The following EEFSEC variants were observed in gnomAD, a reference collection of about 807,000 sequenced individuals.
The protein encoded by EEFSEC is selenocysteine-specific elongation factor.
Under a neutral mutation model 42.1 loss-of-function variants are expected in EEFSEC, and 43 were observed. The ratio of observed to expected loss-of-function variants is 1.02; its 90% CI spans 0.80 to 1.32. The LOEUF (loss-of-function observed/expected upper bound fraction) is 1.32. Among genes scored for constraint, EEFSEC ranks in the 40% most tolerant of loss-of-function variants. The pLI, the probability that EEFSEC is intolerant of heterozygous loss-of-function variation, is 0.00. For synonymous variants in EEFSEC, 354 were observed against 339.1 expected, an observed-to-expected ratio of 1.04 and a Z score of -0.48; for missense variants, 745 against 803.6, an observed-to-expected ratio of 0.93 and a Z score of 0.88.
chr3:128,355,386 C>T (rs2067439918), intron 5 of EEFSEC, among the ~76,000 whole-genome samples: 4 of 151,870 alleles, frequency 2.6e-5, no homozygotes, highest in Admixed American at 2.0e-4. Flanking sequence ...GGTAGAGTCC[C>T]CGGTGCACAA....
At chr3:128,423,541 G>A in the EEFSEC span, among the ~76,000 whole-genome samples, 1 of 152,152 alleles carries the variant, frequency 6.6e-6, no homozygotes. Context: ...AGCATGGATG[G>A]ACCATGAAGG....
intron 1 of EEFSEC, among the ~76,000 whole-genome samples, chr3:128,181,527 T>C (rs527344072): frequency 2.0e-5 from 3 of 152,210 alleles, no homozygotes; most frequent in African/African-American, 7.2e-5. Context: ...AGAGAAGCGG[T>C]GATATAAAAT....
chr3:128,205,286 TG>T (rs933760612), intron 1 of EEFSEC, among the ~76,000 whole-genome samples: 1 of 152,128 alleles, frequency 6.6e-6, no homozygotes, highest in African/African-American at 2.4e-5. Flanking sequence ...CAGATGTATC[TG>T]GGAAGACCCC....
intron 4 of EEFSEC, among the ~76,000 whole-genome samples, chr3:128,328,454 C>G (rs570737740): frequency 6.6e-6 from 1 of 152,186 alleles, no homozygotes; most frequent in African/African-American, 2.4e-5. Context: ...CTGGTGCACC[C>G]CAGGACCAAG....
chr3:128,378,706 A>T (rs1048534111), intron 6 of EEFSEC, among the ~76,000 whole-genome samples: 12 of 151,932 alleles, frequency 7.9e-5, no homozygotes, highest in Non-Finnish European at 1.3e-4. Context: ...TGTGCCTGAC[A>T]CCCCCAGGCT....
rs144029218 is a variant in EEFSEC at position 128,268,639 on chromosome 3, A to C, written c.786+3858A>C. ...CCAATGACCAGTGTCCTTATAAGAG[A>C]CAGACAAGGAGAAGACACGGAGAGT... is the stretch of plus-strand genomic sequence containing the variant. On this transcript the variant is annotated intron_variant, in intron 4 of 6. Coordinates refer to ENST00000254730, the MANE Select transcript of EEFSEC (RefSeq NM_021937.5). Among the ~76,000 whole-genome samples the C allele has an allele frequency of 4.5e-3, 691 of 152,144 alleles. 4 individuals carry two copies. Among genetic ancestry groups the C allele is most frequent in the African/African-American group, 0.015 (607 of 41,504 alleles).
chr3:128,391,013 C>T (rs1255539572), intron 6 of EEFSEC, among the ~76,000 whole-genome samples: 1 of 152,256 alleles, frequency 6.6e-6, no homozygotes, highest in Non-Finnish European at 1.5e-5. Flanking sequence ...TCCCCTCTCC[C>T]GAGCAGCTGG....
chr3:128,343,704 G>A (rs1265187761), intron 5 of EEFSEC, among the ~76,000 whole-genome samples: 1 of 152,170 alleles, frequency 6.6e-6, no homozygotes, highest in Non-Finnish European at 1.5e-5. Flanking sequence ...CTTCCTTTGA[G>A]AACTGGGAGG....
intron 1 of EEFSEC, among the ~76,000 whole-genome samples, chr3:128,222,521 C>T (rs914931777): frequency 2.6e-5 from 4 of 152,144 alleles, no homozygotes; most frequent in South Asian, 2.1e-4. Flanking sequence ...AAGTTTTGAA[C>T]CATGAGCCTT....
chr3:128,192,494 T>G (rs1405676864), intron 1 of EEFSEC, among the ~76,000 whole-genome samples: 1 of 152,228 alleles, frequency 6.6e-6, no homozygotes, highest in Non-Finnish European at 1.5e-5. Context: ...TCACCCTGGC[T>G]GCCTGCTACT....
chr3:128,413,274 C>G (rs558706346), downstream of EEFSEC, among the ~76,000 whole-genome samples: 19 of 152,220 alleles, frequency 1.2e-4, no homozygotes, highest in South Asian at 3.9e-3. Context: ...GGGAAGAGGC[C>G]CCAAGTTGAG....
At chr3:128,305,164 G>A (rs1266412295) in intron 4 of EEFSEC, among the ~76,000 whole-genome samples, 2 of 151,834 alleles carry the variant, frequency 1.3e-5, no homozygotes, top group Admixed American at 6.6e-5. Flanking sequence ...AATCTTCATG[G>A]CGTATTTTGG....
At chr3:128,388,280 G>A (rs577531835) in intron 6 of EEFSEC, among the ~76,000 whole-genome samples, 20 of 152,214 alleles carry the variant, frequency 1.3e-4, no homozygotes, top group South Asian at 2.1e-4. Flanking sequence ...CCACTAACTC[G>A]CCTCCAGCAC....
intron 1 of EEFSEC, among the ~76,000 whole-genome samples, chr3:128,190,661 C>T (rs2107803068): frequency 6.6e-6 from 1 of 152,290 alleles, no homozygotes; most frequent in South Asian, 2.1e-4. Context: ...GTAGAGCCTA[C>T]AGGAGTGCAG....
chr3:128,310,596 T>C (rs2066879107), intron 4 of EEFSEC, among the ~76,000 whole-genome samples: 1 of 152,198 alleles, frequency 6.6e-6, no homozygotes, highest in Admixed American at 6.5e-5. Flanking sequence ...CTTTTCCTCA[T>C]AATCACTGTA....
At chr3:128,217,312 C>G (rs2065820226) in intron 1 of EEFSEC, among the ~76,000 whole-genome samples, 1 of 152,090 alleles carries the variant, frequency 6.6e-6, no homozygotes, top group African/African-American at 2.4e-5. Context: ...GACACCTAGC[C>G]TACATGGGGC....
At chr3:128,379,160 A>G (rs965079127) in intron 6 of EEFSEC, among the ~76,000 whole-genome samples, 1 of 152,042 alleles carries the variant, frequency 6.6e-6, no homozygotes, top group South Asian at 2.1e-4. Context: ...GCTGCTGCCA[A>G]CCCCCACCCA....
At chr3:128,189,894 G>A (rs527349594) in intron 1 of EEFSEC, among the ~76,000 whole-genome samples, 6 of 148,128 alleles carry the variant, frequency 4.1e-5, no homozygotes, top group Non-Finnish European at 1.5e-5. Context: ...ATGGAGTCTC[G>A]CTCTGTTGCC....
At chr3:128,223,909 T>G (rs2065884372) in intron 1 of EEFSEC, among the ~76,000 whole-genome samples, 1 of 152,218 alleles carries the variant, frequency 6.6e-6, no homozygotes, top group African/African-American at 2.4e-5. Context: ...GAAAACCTCA[T>G]TGTTTAAATA....
Sources: gnomAD v4.1 joint callset for allele counts (sites outside exome capture counted in the v4.1 genomes callset) on GRCh38, gnomAD v4.1.1 for gene constraint, MANE v1.5 for transcripts, NCBI Gene and HGNC (gene_info 2026-07-23, HGNC 2026-07-21) for gene names.